Variants in TNKS observed in about 807,000 individuals in gnomAD.
TNKS encodes the protein poly [ADP-ribose] polymerase tankyrase-1.
In TNKS, 72 loss-of-function variants were observed where a neutral mutation model predicts 135.8. That is an observed-to-expected ratio of 0.53 (90% confidence interval 0.44 to 0.64). The LOEUF is 0.64. Among genes scored for constraint, TNKS ranks in the 30% least tolerant of loss-of-function variants. TNKS has a pLI of 0.00. For missense variants in TNKS, 1,769 were observed against 1,674.0 expected (o/e 1.06, Z -0.99); for synonymous variants, 849 against 649.3 (o/e 1.31, Z -4.68).
intron 3 of TNKS, among the ~76,000 whole-genome samples, chr8:9,645,735 GTGT>G (rs1467860950): frequency 1.2e-4 from 18 of 152,246 alleles, no homozygotes; most frequent in African/African-American, 3.9e-4. Context: ...AGGATCCTCT[GTGT>G]TTGATCTTAT....
intron 5 of TNKS, among the ~76,000 whole-genome samples, chr8:9,688,665 A>T (rs1258050722): frequency 6.6e-6 from 1 of 152,080 alleles, no homozygotes; most frequent in East Asian, 1.9e-4. Flanking sequence ...TTTGAGACAG[A>T]GTCTTGCACT....
intron 5 of TNKS, among the ~76,000 whole-genome samples, chr8:9,684,508 C>A (rs990654056): frequency 9.9e-5 from 15 of 151,848 alleles, no homozygotes; most frequent in Non-Finnish European, 1.3e-4. Flanking sequence ...AATAAATGTC[C>A]AAAATTATCC....
chr8:9,621,565 G>GT (rs1347707546), intron 3 of TNKS, among the ~76,000 whole-genome samples: 1 of 151,534 alleles, frequency 6.6e-6, no homozygotes, highest in Non-Finnish European at 1.5e-5. Context: ...CTCAGCCTCC[G>GT]TAAGTGCTGG....
chr8:9,674,803 C>T (rs1294117598), intron 3 of TNKS, among the ~76,000 whole-genome samples: 2 of 152,172 alleles, frequency 1.3e-5, no homozygotes, highest in Non-Finnish European at 2.9e-5. Context: ...GGAAAATACT[C>T]TGTTCAAACT....
At chr8:9,731,123 A>G (rs1805417236) in intron 14 of TNKS, 88 bp downstream of exon 14, 2 of 1,354,654 alleles carry the variant, frequency 1.5e-6, no homozygotes, top group South Asian at 1.7e-5. Context: ...TTTTTTCTGT[A>G]TTAAAAAAGT....
chr8:9,643,873 G>A (rs1199271194), intron 3 of TNKS, among the ~76,000 whole-genome samples: 1 of 152,138 alleles, frequency 6.6e-6, no homozygotes, highest in South Asian at 2.1e-4. Context: ...AGCAACCCAG[G>A]TGTCCATCAA....
chr8:9,684,917 T>C (rs4841195), intron 5 of TNKS, among the ~76,000 whole-genome samples: 11,200 of 152,234 alleles, frequency 0.074, 734 homozygotes, highest in East Asian at 0.22. Flanking sequence ...TTTGCGGTGA[T>C]ACAGTTATAA....
chr8:9,556,437 G>A lies in TNKS; in HGVS notation c.498G>A (p.Gly166=). 6.2e-7 allele frequency: 1 copy of A among 1,614,168 alleles called. No individual in the cohort carries two copies. Among genetic ancestry groups the A allele is most frequent in the South Asian group, 1.1e-5 (1 of 91,090 alleles). ...AAGVSSTAPL[G]PGAAGPGTGV... The stretch of plus-strand genomic sequence containing the variant: ...GAGTTAGCAGCACAGCACCACTGGG[G>A]CCTGGGGCAGCAGGACCTGGGACAG... The change falls in exon 1 of 27, where the codon GGG becomes GGA. Residue 166 remains glycine, a synonymous_variant. Transcript: ENST00000310430.
intron 3 of TNKS, among the ~76,000 whole-genome samples, chr8:9,623,999 G>A (rs1020780498): frequency 1.3e-5 from 2 of 151,010 alleles, no homozygotes; most frequent in South Asian, 2.1e-4. Context: ...AAGAGACATC[G>A]TCTCAAGAAA....
intron 26 of TNKS, among the ~76,000 whole-genome samples, chr8:9,770,523 G>A (rs996528489): frequency 2.6e-5 from 4 of 152,248 alleles, no homozygotes; most frequent in African/African-American, 7.2e-5. Context: ...CCCTCATGCC[G>A]TTTTGAGGCC....
rs749557098 is a variant in TNKS at position 9,765,738 on chromosome 8, G to A, written c.3494G>A (p.Arg1165Gln). 14 of 1,613,874 alleles carry A rather than the reference G, an allele frequency of 8.7e-6. No homozygotes were observed. Among genetic ancestry groups the A allele is most frequent in the South Asian group, 3.3e-5 (3 of 91,076 alleles). Residue 1165 changes from arginine to glutamine, a missense_variant, in exon 24 of 27, where the codon CGA becomes CAA. Physicochemically the swap from Arg to Gln is conservative, Grantham distance 43. Transcript: ENST00000310430. The part of the protein sequence containing the change: ...NKKLRERFCH[R>Q]QKEVSEENHN... The stretch of plus-strand genomic sequence containing the variant: ...AAGTTGAGGGAGCGGTTCTGCCACC[G>A]ACAGAAGGAAGTGTCTGAGGAGAAT...
chr8:9,732,581 A>C (rs1047355636), intron 14 of TNKS, among the ~76,000 whole-genome samples: 5 of 144,242 alleles, frequency 3.5e-5, no homozygotes, highest in African/African-American at 1.3e-4. Flanking sequence ...CCCAAAACTA[A>C]AAAAAAAAAA....
chr8:9,644,470 C>A (rs1354874706), intron 3 of TNKS, among the ~76,000 whole-genome samples: 2 of 152,136 alleles, frequency 1.3e-5, no homozygotes, highest in South Asian at 2.1e-4. Context: ...ATTTTCACTA[C>A]TTCATTGGTC....
chr8:9,608,351 A>G (rs903381034), intron 2 of TNKS, among the ~76,000 whole-genome samples: 3 of 152,058 alleles, frequency 2.0e-5, no homozygotes, highest in African/African-American at 7.3e-5. Flanking sequence ...GACTTTGTAG[A>G]TCCTGGCTCT....
rs559714739 is a variant in TNKS at position 9,615,489 on chromosome 8, A to C, written c.899-93A>C. 1.1e-5 allele frequency: 10 copies of C among 934,992 alleles called. No individual in the cohort carries two copies. The Admixed American group carries it at 1.4e-4, about 13-fold the overall frequency. The allele number at this position is 934,992 out of a possible 1,614,324, so 57.9% of individuals were successfully genotyped here. On this transcript the variant is annotated intron_variant, in intron 2 of 26. Transcript: ENST00000310430. ...GAAAGAGAAAAAATTTGTGCAATGT[A>C]TGTTTATGCCTACACCATGCCGAGA... is the stretch of plus-strand genomic sequence containing the variant.
At chr8:9,650,303 G>A (rs570402497) in intron 3 of TNKS, among the ~76,000 whole-genome samples, 6 of 152,154 alleles carry the variant, frequency 3.9e-5, no homozygotes, top group African/African-American at 1.2e-4. Flanking sequence ...TATCTTTTTC[G>A]TATAATGACT....
intron 3 of TNKS, among the ~76,000 whole-genome samples, chr8:9,625,588 T>C (rs890694220): frequency 2.6e-5 from 4 of 152,148 alleles, no homozygotes; most frequent in African/African-American, 9.7e-5. Flanking sequence ...TCCATTTTCA[T>C]GTTCATTCAG....
intron 1 of TNKS, among the ~76,000 whole-genome samples, chr8:9,561,502 C>T (rs7002894): frequency 0.012 from 1,883 of 152,216 alleles, 36 homozygotes; most frequent in African/African-American, 0.043. Flanking sequence ...ACTTATTTTG[C>T]TCAGCATGTT....
chr8:9,726,443 AG>A (rs1805168569), intron 12 of TNKS, among the ~76,000 whole-genome samples, 197 bp from the exon 13 acceptor site: 1 of 152,218 alleles, frequency 6.6e-6, no homozygotes, highest in South Asian at 2.1e-4. Context: ...AAGTACTGAA[AG>A]TTGTGTGGCT....
Sources: gnomAD v4.1 joint callset for allele counts (sites outside exome capture counted in the v4.1 genomes callset) on GRCh38, gnomAD v4.1.1 for gene constraint, MANE v1.5 for transcripts, NCBI Gene and HGNC (gene_info 2026-07-23, HGNC 2026-07-21) for gene names.